CXADR: variants seen among roughly 807,000 people sequenced by gnomAD.
CXADR encodes the protein coxsackievirus and adenovirus receptor.
CXADR carries 20 observed loss-of-function variants against 40.3 expected under a neutral mutation model. The observed-to-expected ratio is 0.50, with a 90% CI of 0.35 to 0.72. The LOEUF is 0.72. Among genes scored for constraint, CXADR ranks in the 30% least tolerant of loss-of-function variants. The pLI is 0.01. For missense variants in CXADR, 332 were observed against 449.1 expected (o/e 0.74, Z 2.36); for synonymous variants, 150 against 161.3 (o/e 0.93, Z 0.53).
chr21:17,565,522 A>T lies in CXADR; in HGVS notation c.928A>T (p.Met310Leu). 1 of 1,613,486 alleles carries T rather than the reference A, an allele frequency of 6.2e-7. No individual in the cohort carries two copies. The highest frequency in any genetic ancestry group is 8.5e-7 in the Non-Finnish European group (1 of 1,179,472). ...CCTGGGGTCCATGTCTCCTTCCAAC[A>T]TGGAAGGATATTCCAAGACTCAGTA... ...SSLGSMSPSN[M>L]EGYSKTQYNQ... The change falls in exon 7 of 7, where the codon ATG (methionine) becomes TTG (leucine). Residue 310 changes from methionine to leucine, a missense_variant. This residue lies in a region of CXADR where 150 missense variants were observed against 194.2 expected (regional missense o/e 0.77). Transcript: ENST00000284878.
chr21:17,590,664 A>C (rs570756262), intron 7 of CXADR, among the ~76,000 whole-genome samples: 7 of 152,192 alleles, frequency 4.6e-5, no homozygotes, highest in Admixed American at 1.3e-4. Context: ...CCATTGCAAT[A>C]GATTCCAGAG....
chr21:17,616,599 A>G, the CXADR span, among the ~76,000 whole-genome samples: 8 of 152,010 alleles, frequency 5.3e-5, no homozygotes, highest in Admixed American at 6.5e-5. Context: ...CACTTTTATA[A>G]TGGACATGGA....
the CXADR span, among the ~76,000 whole-genome samples, chr21:17,610,393 AG>A: frequency 9.0e-4 from 137 of 152,350 alleles, no homozygotes; most frequent in African/African-American, 3.2e-3. Flanking sequence ...GTACTCTTTC[AG>A]GAAGAGAGAT....
chr21:17,520,346 G>T (rs2849892), intron 1 of CXADR, among the ~76,000 whole-genome samples: 1 of 152,060 alleles, frequency 6.6e-6, no homozygotes, highest in African/African-American at 2.4e-5. Context: ...TGCATGTAAG[G>T]CACCTAACCA....
chr21:17,575,006 T>C (rs200127213), downstream of CXADR, among the ~76,000 whole-genome samples: 2 of 24,438 alleles, frequency 8.2e-5, no homozygotes, highest in East Asian at 6.0e-3. Context: ...CACACATACA[T>C]ACATACATAC....
At chr21:17,574,268 T>G (rs1478532848), downstream of CXADR, among the ~76,000 whole-genome samples, 4 of 152,292 alleles carry the variant, frequency 2.6e-5, no homozygotes, top group African/African-American at 9.6e-5. Context: ...AGAAGAAAAT[T>G]CAAAAGGTCT....
At chr21:17,626,428 C>A in the CXADR span, among the ~76,000 whole-genome samples, 1 of 152,076 alleles carries the variant, frequency 6.6e-6, no homozygotes, top group Non-Finnish European at 1.5e-5. Context: ...ATTACTCAAT[C>A]AGAATTAGAA....
chr21:17,610,461 A>C, the CXADR span, among the ~76,000 whole-genome samples: 2 of 152,234 alleles, frequency 1.3e-5, no homozygotes, highest in Non-Finnish European at 2.9e-5. Flanking sequence ...GGACATATTT[A>C]AGAAATGGAA....
chr21:17,514,637 CTT>C (rs770582854), intron 1 of CXADR, among the ~76,000 whole-genome samples: 7 of 141,216 alleles, frequency 5.0e-5, no homozygotes, highest in African/African-American at 5.2e-5. Context: ...TGTGGAGGAA[CTT>C]TTTTTTTTTT....
intron 1 of CXADR, chr21:17,518,962 G>A: frequency 3.7e-6 from 6 of 1,609,108 alleles, no homozygotes; most frequent in Non-Finnish European, 5.1e-6. Context: ...CCGGACCTGA[G>A]CCTGAAGTTT....
At chr21:17,520,619 A>G (rs2060519026) in intron 1 of CXADR, among the ~76,000 whole-genome samples, 1 of 152,172 alleles carries the variant, frequency 6.6e-6, no homozygotes, top group African/African-American at 2.4e-5. Flanking sequence ...AATGGTAGCT[A>G]TGTAGCAGTT....
intron 1 of CXADR, among the ~76,000 whole-genome samples, chr21:17,537,667 A>G (rs1337223257): frequency 1.3e-5 from 2 of 152,104 alleles, no homozygotes; most frequent in East Asian, 1.9e-4. Context: ...ATATGTTTCA[A>G]AGTGTTCCTT....
At chr21:17,622,957 A>G in the CXADR span, among the ~76,000 whole-genome samples, 2 of 152,332 alleles carry the variant, frequency 1.3e-5, no homozygotes, top group South Asian at 4.1e-4. Flanking sequence ...CCTCAAGTAT[A>G]TAATCTGTTT....
At chr21:17,553,614 C>CTTTTTTTTTTTTTTTTTTTTTTTTTTTT (rs10710377) in intron 3 of CXADR, among the ~76,000 whole-genome samples, 1 of 128,272 alleles carries the variant, frequency 7.8e-6, no homozygotes, top group Non-Finnish European at 1.7e-5. Context: ...GGTCCGAATT[C>CTTTTTTTTTTTTTTTTTTTTTTTTTTTT]TTTTTTTTTT....
downstream of CXADR, among the ~76,000 whole-genome samples, chr21:17,598,368 TCTA>T (rs1489705128): frequency 6.6e-6 from 1 of 152,204 alleles, no homozygotes; most frequent in African/African-American, 2.4e-5. Context: ...TCATGAATTT[TCTA>T]CTTTTTGCCA....
intron 6 of CXADR, among the ~76,000 whole-genome samples, chr21:17,564,076 C>A (rs1177866623): frequency 1.3e-5 from 2 of 150,118 alleles, no homozygotes; most frequent in Non-Finnish European, 3.0e-5. Context: ...AAGCAAGGCA[C>A]AATGAAACGA....
At chr21:17,594,006 T>G, downstream of CXADR, 1 of 1,468,106 alleles carries the variant, frequency 6.8e-7, no homozygotes, top group Non-Finnish European at 9.1e-7. Flanking sequence ...ACTTCACTAC[T>G]ATTAGTAAGA....
At chr21:17,606,118 A>C in the CXADR span, among the ~76,000 whole-genome samples, 8 of 152,224 alleles carry the variant, frequency 5.3e-5, no homozygotes. Flanking sequence ...TAAGCATTTT[A>C]AAAAATTTAT....
rs71333559 is a variant in CXADR at position 17,568,557 on chromosome 21, CTTTTTT to C, written c.*2877_*2882del. The C allele has an allele frequency of 2.3e-6, 2 of 880,746 alleles. No homozygotes were observed. The highest frequency in any genetic ancestry group is 2.7e-6 in the Non-Finnish European group (2 of 744,932). 54.6% of individuals were successfully genotyped at this position (880,746 alleles called of 1,614,324 possible). A position where few individuals can be genotyped will look rare whatever the true frequency, so the allele number is the denominator to read the frequency against. ...TTACTGTAGAATATATAGTTCTGTA[CTTTTTT>C]TTTTTTTTTTTAAGAGATAGGGTTT... is the stretch of plus-strand genomic sequence containing the variant. On this transcript the variant is annotated 3_prime_UTR_variant, in exon 7 of 7. Coordinates refer to ENST00000284878, the MANE Select transcript of CXADR (RefSeq NM_001338.5).
Sources: allele counts gnomAD v4.1 joint callset (sites outside exome capture counted in the v4.1 genomes callset), GRCh38; gene constraint gnomAD v4.1.1; regional missense constraint gnomAD v4.1.1; transcripts MANE v1.5; gene names NCBI Gene and HGNC (gene_info 2026-07-23, HGNC 2026-07-21).